CELF2: variants seen among roughly 807,000 people sequenced by gnomAD.
CELF2 encodes CUG triplet repeat RNA-binding protein 2.
Under a neutral mutation model 62.6 loss-of-function variants are expected in CELF2, and 8 were observed. The ratio of observed to expected loss-of-function variants is 0.13; its 90% CI spans 0.07 to 0.23. The LOEUF (loss-of-function observed/expected upper bound fraction) is 0.23. CELF2 is among the 10% of genes least tolerant of loss of function. The pLI is 1.00. For missense variants in CELF2, 333 were observed against 671.0 expected (o/e 0.50, Z 5.56); for synonymous variants, 258 against 250.0 (o/e 1.03, Z -0.30).
At chr10:10,911,196 GCA>G (rs1271981933) in intron 1 of CELF2, among the ~76,000 whole-genome samples, 1 of 152,296 alleles carries the variant, frequency 6.6e-6, no homozygotes, top group East Asian at 1.9e-4. Context: ...AGTGCCATTT[GCA>G]CACTGGCTTC....
At position 10,993,764 on chromosome 10, in the gene CELF2, C is replaced by T. The variant is rs1361567324; in HGVS notation, c.89+73765C>T. Among the ~76,000 whole-genome samples, 3 of 152,076 alleles carry T rather than the reference C, an allele frequency of 2.0e-5. No homozygotes were observed. Among genetic ancestry groups the T allele is most frequent in the African/African-American group, 7.2e-5 (3 of 41,396 alleles). ...CGATATGGACTCAGCTGTGTTCTCC[C>T]CAAAATTTGTGTGTTGAAGTCCTAA... On this transcript the variant is annotated intron_variant, in intron 2 of 13. Transcript: ENST00000636488. This position sits in a 1 kb window ranked among gnomAD's most constrained non-coding sequence, Gnocchi z 5.3.
At chr10:10,548,667 G>T in the CELF2 span, among the ~76,000 whole-genome samples, 1 of 152,070 alleles carries the variant, frequency 6.6e-6, no homozygotes, top group Non-Finnish European at 1.5e-5. Context: ...TTTAGAAAAT[G>T]CTTCAAGGTT....
chr10:10,820,240 A>C (rs541194855), intron 1 of CELF2, among the ~76,000 whole-genome samples: 1 of 152,136 alleles, frequency 6.6e-6, no homozygotes, highest in Non-Finnish European at 1.5e-5. Context: ...GTACGTCTTT[A>C]TCAGCAGCAT....
At chr10:11,015,726 C>T (rs1235718779), upstream of CELF2, among the ~76,000 whole-genome samples, 2 of 152,210 alleles carry the variant, frequency 1.3e-5, no homozygotes, top group Non-Finnish European at 2.9e-5. This position sits in a 1 kb window ranked among gnomAD's most constrained non-coding sequence, Gnocchi z 4.8. Flanking sequence ...ACTTCACCCT[C>T]CTCATAGTAT....
Position 10,956,395 on chromosome 10 carries a change from C to G in CELF2, c.89+36396C>G, listed in dbSNP as rs148602346. On this transcript the variant is annotated intron_variant, in intron 2 of 13. Transcript: ENST00000636488. ...AGGTACTTTATTGGCTTGCATATTT[C>G]TCTCCCTTTTTAGCAGTTATTTTAT... 1.6e-3 allele frequency among the ~76,000 whole-genome samples: 245 copies of G among 152,250 alleles called. 2 individuals are homozygous for G. Among genetic ancestry groups the G allele is most frequent in the African/African-American group, 5.7e-3 (235 of 41,556 alleles).
the CELF2 span, among the ~76,000 whole-genome samples, chr10:10,543,307 C>T: frequency 4.6e-5 from 7 of 151,982 alleles, no homozygotes; most frequent in Non-Finnish European, 8.8e-5. Context: ...ATTTCTCCGT[C>T]TAAGCTAAAA....
the CELF2 span, among the ~76,000 whole-genome samples, chr10:10,742,288 T>C: frequency 2.0e-5 from 3 of 152,326 alleles, no homozygotes; most frequent in East Asian, 5.8e-4. Flanking sequence ...GAGGACTTAC[T>C]GTATAGTCAA....
At chr10:10,842,452 T>G (rs926120063) in intron 1 of CELF2, among the ~76,000 whole-genome samples, 1 of 152,066 alleles carries the variant, frequency 6.6e-6, no homozygotes, top group African/African-American at 2.4e-5. Flanking sequence ...CTTTATCAAA[T>G]TGAGGAAGTT....
chr10:10,948,734 A>G (rs1021543006), intron 2 of CELF2, among the ~76,000 whole-genome samples: 2 of 151,968 alleles, frequency 1.3e-5, no homozygotes, highest in Non-Finnish European at 2.9e-5. Flanking sequence ...CTACCTATCC[A>G]TATCCCTAAG....
upstream of CELF2, among the ~76,000 whole-genome samples, chr10:11,015,759 A>G (rs923799073): frequency 1.3e-5 from 2 of 152,230 alleles, no homozygotes; most frequent in African/African-American, 4.8e-5. The surrounding 1 kb of genome is among the most constrained non-coding windows in gnomAD (Gnocchi z 4.8). Flanking sequence ...CTTTGAATCC[A>G]CTATTGCCTC....
the CELF2 span, among the ~76,000 whole-genome samples, chr10:10,642,779 C>A: frequency 2.0e-5 from 3 of 152,316 alleles, no homozygotes; most frequent in African/African-American, 7.2e-5. Flanking sequence ...ATTCTTTTTC[C>A]CAATGGATCT....
At chr10:11,108,077 A>G (rs931315677) in intron 1 of CELF2, among the ~76,000 whole-genome samples, 245 of 9,114 alleles carry the variant, frequency 0.027, 9 homozygotes, top group African/African-American at 0.092. Context: ...CCCTCTCCCC[A>G]CTCCCTTCCT....
At chr10:11,041,660 C>T (rs2061874927) in intron 1 of CELF2, among the ~76,000 whole-genome samples, 1 of 152,146 alleles carries the variant, frequency 6.6e-6, no homozygotes, top group Non-Finnish European at 1.5e-5. Flanking sequence ...GAACTTTTCT[C>T]ATTGTGTTTT....
At chr10:11,062,264 T>A (rs2066958843) in intron 1 of CELF2, among the ~76,000 whole-genome samples, 1 of 152,382 alleles carries the variant, frequency 6.6e-6, no homozygotes, top group South Asian at 2.1e-4. Flanking sequence ...TGCCTGCTAA[T>A]GCAGCATTCA....
chr10:10,952,979 A>C (rs2048486436), intron 2 of CELF2, among the ~76,000 whole-genome samples: 1 of 152,198 alleles, frequency 6.6e-6, no homozygotes, highest in Admixed American at 6.5e-5. Context: ...CAGATTGGTG[A>C]GTTGGTTCAG....
At chr10:11,061,038 T>A (rs956306978) in intron 1 of CELF2, among the ~76,000 whole-genome samples, 3 of 152,176 alleles carry the variant, frequency 2.0e-5, no homozygotes, top group African/African-American at 7.2e-5. Flanking sequence ...GACTAAAGAA[T>A]CAAAAGCTTG....
chr10:10,937,320 C>G (rs1008081687), intron 2 of CELF2: 1 of 151,840 alleles, frequency 6.6e-6, no homozygotes, highest in Non-Finnish European at 1.5e-5. Flanking sequence ...TTAGTAGAGA[C>G]AGGGTTTCCC....
At chr10:10,866,882 T>A (rs566155203) in intron 1 of CELF2, among the ~76,000 whole-genome samples, 2 of 145,696 alleles carry the variant, frequency 1.4e-5, no homozygotes, top group Middle Eastern at 3.8e-3. Flanking sequence ...ATCACACCGT[T>A]GCACTCCAGC....
chr10:10,590,024 C>T, the CELF2 span, among the ~76,000 whole-genome samples: 3 of 152,116 alleles, frequency 2.0e-5, no homozygotes, highest in African/African-American at 4.8e-5. Flanking sequence ...AGTCTCTGCC[C>T]GGGGTGCTCA....
Sources: gnomAD v4.1 joint callset for allele counts (sites outside exome capture counted in the v4.1 genomes callset) on GRCh38, gnomAD v4.1.1 for gene constraint, Gnocchi (gnomAD v3.1) non-coding constraint, MANE v1.5 for transcripts, NCBI Gene and HGNC (gene_info 2026-07-23, HGNC 2026-07-21) for gene names.